RABGAP1L: variants seen among roughly 807,000 people sequenced by gnomAD.
RABGAP1L encodes the protein RAB GTPase activating protein 1 like.
RABGAP1L carries 63 observed loss-of-function variants against 137.7 expected under a neutral mutation model. The observed-to-expected ratio is 0.46, with a 90% CI of 0.37 to 0.56. The LOEUF is 0.56. Among genes scored for constraint, RABGAP1L ranks in the 20% least tolerant of loss-of-function variants. The pLI is 0.00. For synonymous variants in RABGAP1L, 431 were observed against 433.7 expected, an observed-to-expected ratio of 0.99 and a Z score of 0.08; for missense variants, 1,095 against 1,244.0, an observed-to-expected ratio of 0.88 and a Z score of 1.80.
chr1:174,304,862 G>A, intron 10 of RABGAP1L, 124 bp from the exon 11 acceptor site: 1 of 839,584 alleles, frequency 1.2e-6, no homozygotes, highest in Non-Finnish European at 1.7e-6. Flanking sequence ...CCTCAGACAT[G>A]CTGTAGATCA....
At chr1:174,845,029 C>T (rs2148961073) in intron 19 of RABGAP1L, among the ~76,000 whole-genome samples, 1 of 147,962 alleles carries the variant, frequency 6.8e-6, no homozygotes, top group Admixed American at 6.8e-5. Flanking sequence ...CTCTGTTTGT[C>T]TGTTATTGGT....
intron 19 of RABGAP1L, among the ~76,000 whole-genome samples, chr1:174,880,924 A>G (rs1262593007): frequency 6.6e-6 from 1 of 152,138 alleles, no homozygotes; most frequent in Non-Finnish European, 1.5e-5. Context: ...GTCTTCAAAA[A>G]CTAACAGGAG....
At chr1:174,640,954 T>C (rs1170472234) in intron 14 of RABGAP1L, among the ~76,000 whole-genome samples, 2 of 142,030 alleles carry the variant, frequency 1.4e-5, no homozygotes, top group Non-Finnish European at 3.0e-5. Context: ...TATAATATAA[T>C]ATATTATATT....
chr1:174,250,598 G>T lies in RABGAP1L; in HGVS notation c.841G>T (p.Glu281Ter), dbSNP rs759746426. The T allele has an allele frequency of 2.5e-6, 4 of 1,613,030 alleles. No homozygotes were observed. The Admixed American group carries it at 5.0e-5, about 20-fold the overall frequency. Reference protein sequence around the residue: ...SDVFTFSVSLEVKEDDGKGNF... With the variant: ...SDVFTFSVSL The stretch of plus-strand genomic sequence containing the variant: ...TGTGTTTACCTTCAGTGTCTCCTTG[G>T]AGGTAAAAGAAGACGATGGAAAAGG... Residue 281 changes from glutamate (E) to a stop codon, truncating the protein, a stop_gained, in exon 6 of 26, where the codon GAG becomes TAG. Transcript: ENST00000681986. LOFTEE classifies it high-confidence loss of function.
chr1:174,380,111 AC>A (rs1685985573), intron 12 of RABGAP1L, among the ~76,000 whole-genome samples: 1 of 150,878 alleles, frequency 6.6e-6, no homozygotes, highest in African/African-American at 2.4e-5. Flanking sequence ...CGTATATTGA[AC>A]CAGCCTTGCA....
chr1:174,906,585 G>A (rs561436041), intron 19 of RABGAP1L, among the ~76,000 whole-genome samples: 12 of 152,030 alleles, frequency 7.9e-5, no homozygotes, highest in South Asian at 4.2e-4. Context: ...CTGAGATGGC[G>A]CCACTGCACT....
At chr1:174,500,649 G>A (rs1661174612) in intron 13 of RABGAP1L, among the ~76,000 whole-genome samples, 2 of 152,112 alleles carry the variant, frequency 1.3e-5, no homozygotes, top group African/African-American at 4.8e-5. Flanking sequence ...AAAGGGATAG[G>A]AACCGTAGTT....
At chr1:174,657,227 C>G (rs1000195066) in intron 14 of RABGAP1L, among the ~76,000 whole-genome samples, 4 of 152,166 alleles carry the variant, frequency 2.6e-5, no homozygotes, top group African/African-American at 9.7e-5. Flanking sequence ...GCATTTCCAT[C>G]TGAAATATTT....
rs980634766 is a variant in RABGAP1L, at chr1:174,849,822, A to G, written c.2340+37862A>G. 4.2e-5 allele frequency: 23 copies of G among 552,372 alleles called. No homozygotes were observed. The East Asian group carries it at 8.6e-4, about 21-fold the overall frequency. 34.2% of individuals were successfully genotyped at this position (552,372 alleles called of 1,614,324 possible). A position where few individuals can be genotyped will look rare whatever the true frequency, so the allele number is the denominator to read the frequency against. On this transcript the variant is annotated intron_variant, in intron 19 of 25. Coordinates refer to ENST00000681986, the MANE Select transcript of RABGAP1L (RefSeq NM_001366446.1). ...ATTGAGAAGTGTCAATGCTTCTACA[A>G]TGGAAATTTTGCCTTTGGGAATGAT...
intron 11 of RABGAP1L, among the ~76,000 whole-genome samples, chr1:174,361,256 G>A (rs1269827307): frequency 8.3e-6 from 1 of 120,384 alleles, no homozygotes; most frequent in Non-Finnish European, 1.7e-5. Context: ...GAATGGCTTT[G>A]ACTATTCTGA....
At position 174,957,460 on chromosome 1, in the gene RABGAP1L, C is replaced by G. The variant is rs1408245470; in HGVS notation, c.2344C>G (p.Pro782Ala). ...LMEQACNIKVPTKKLKKYEKE... is the reference protein window; with the variant it reads ...LMEQACNIKVATKKLKKYEKE... The stretch of plus-strand genomic sequence containing the variant: ...GGTTTTCCTCAAATCCCTGCAGGTA[C>G]CAACCAAGAAGCTGAAGAAATATGA... Residue 782 changes from proline (P) to alanine (A), a missense_variant, in exon 20 of 26, where the codon CCA (proline) becomes GCA (alanine). Physicochemically the swap from Pro to Ala is conservative, Grantham distance 27. Transcript: ENST00000681986. 2.5e-6 allele frequency: 4 copies of G among 1,612,380 alleles called. No homozygotes were observed. The Admixed American group carries it at 5.0e-5, about 20-fold the overall frequency.
intron 18 of RABGAP1L, among the ~76,000 whole-genome samples, chr1:174,796,899 C>T (rs755247079): frequency 3.3e-5 from 5 of 151,752 alleles, no homozygotes; most frequent in East Asian, 1.9e-4. Context: ...TCCAGCTACT[C>T]GTGGGGCTGA....
intron 13 of RABGAP1L, among the ~76,000 whole-genome samples, chr1:174,424,491 G>A (rs922385207): frequency 2.0e-5 from 3 of 151,888 alleles, no homozygotes; most frequent in East Asian, 1.9e-4. Flanking sequence ...GAACATTTTC[G>A]TCATATATAT....
In RABGAP1L at chr1:174,804,725, A is replaced by C. The variant is rs557916297; in HGVS notation, c.2212-7107A>C. 2.6e-5 allele frequency among the ~76,000 whole-genome samples: 4 copies of C among 152,284 alleles called. No homozygotes were observed. The South Asian group carries it at 8.3e-4, about 32-fold the overall frequency. The stretch of plus-strand genomic sequence containing the variant: ...ATACAGCTACTCATTTTCCACAGTG[A>C]ATCGAAGGAGGGTTGATTATACATA... On this transcript the variant is annotated intron_variant, in intron 18 of 25. Coordinates refer to ENST00000681986, the MANE Select transcript of RABGAP1L (RefSeq NM_001366446.1).
chr1:174,254,950 G>T (rs530785575), intron 7 of RABGAP1L, among the ~76,000 whole-genome samples: 2 of 152,258 alleles, frequency 1.3e-5, no homozygotes, highest in African/African-American at 4.8e-5. Context: ...TTGCACTCCT[G>T]CCAGCAGTGT....
Position 174,272,423 on chromosome 1 carries a change from A to G in RABGAP1L, c.996A>G (p.Gly332=), listed in dbSNP as rs751408880. 1 of 1,602,224 alleles carries G rather than the reference A, an allele frequency of 6.2e-7. No homozygotes were observed. The highest frequency in any genetic ancestry group is 8.5e-7 in the Non-Finnish European group (1 of 1,175,614). The part of the protein sequence containing the change: ...NKELAIERCF[G]MLLSPGRNVK... ...CCCCCAATATTTTCAGATGTTTTGG[A>G]ATGTTATTAAGCCCAGGTCGAAACG... Residue 332 remains glycine (G), a synonymous_variant, in exon 8 of 26, where the codon GGA becomes GGG. Transcript: ENST00000681986.
intron 18 of RABGAP1L, among the ~76,000 whole-genome samples, chr1:174,810,614 G>A (rs1198974061): frequency 6.6e-6 from 1 of 152,124 alleles, no homozygotes; most frequent in Non-Finnish European, 1.5e-5. Context: ...TTTTTTAATT[G>A]TTGAAGTTTT....
chr1:174,491,421 A>G (rs1339775623), intron 13 of RABGAP1L, among the ~76,000 whole-genome samples: 5 of 152,020 alleles, frequency 3.3e-5, no homozygotes, highest in African/African-American at 1.2e-4. Flanking sequence ...ACCCTATCCT[A>G]CTGTGGCTGA....
chr1:174,936,509 A>G (rs1246036086), intron 19 of RABGAP1L, among the ~76,000 whole-genome samples: 4 of 151,970 alleles, frequency 2.6e-5, no homozygotes, highest in African/African-American at 9.7e-5. Flanking sequence ...TGGGAGGATC[A>G]CCTGAGCCTG....
Sources: gnomAD v4.1 joint callset for allele counts (sites outside exome capture counted in the v4.1 genomes callset) on GRCh38, gnomAD v4.1.1 for gene constraint, MANE v1.5 for transcripts, NCBI Gene and HGNC (gene_info 2026-07-23, HGNC 2026-07-21) for gene names.